Variants in SORCS2 observed in about 807,000 individuals in gnomAD.
SORCS2 encodes the protein VPS10 domain-containing receptor SorCS2.
In SORCS2, 100 loss-of-function variants were observed where a neutral mutation model predicts 141.6. The ratio of observed to expected loss-of-function variants is 0.71; its 90% CI spans 0.60 to 0.83. The LOEUF is 0.83. SORCS2 is among the 40% of genes least tolerant of loss of function. SORCS2 has a pLI of 0.00. For missense variants in SORCS2, 1,646 were observed against 1,560.2 expected (o/e 1.05, Z -0.93); for synonymous variants, 789 against 676.9 (o/e 1.17, Z -2.57).
intron 3 of SORCS2, among the ~76,000 whole-genome samples, chr4:7,619,615 T>G (rs1447891082): frequency 6.6e-6 from 1 of 152,176 alleles, no homozygotes; most frequent in Non-Finnish European, 1.5e-5. Context: ...GAAGCGGCCC[T>G]GCCTCCTTGG....
At chr4:7,431,606 C>A (rs1278239643) in intron 2 of SORCS2, 2 of 152,282 alleles carry the variant, frequency 1.3e-5, no homozygotes, top group African/African-American at 2.4e-5. Context: ...AGGCCAACAA[C>A]TTCGGGCCCC....
intron 21 of SORCS2, among the ~76,000 whole-genome samples, 163 bp from the exon 22 acceptor site, chr4:7,728,187 G>A (rs1434412411): frequency 2.6e-5 from 4 of 152,192 alleles, no homozygotes; most frequent in African/African-American, 9.7e-5. Context: ...CAGGACTGCT[G>A]TCGGCCTGCT....
intron 1 of SORCS2, among the ~76,000 whole-genome samples, chr4:7,282,493 C>A (rs1012955846): frequency 5.3e-5 from 8 of 152,130 alleles, no homozygotes. Flanking sequence ...TGTTTTGTGC[C>A]ATATGCTGTT....
chr4:7,470,937 G>T (rs1729938511), intron 2 of SORCS2, among the ~76,000 whole-genome samples: 1 of 117,592 alleles, frequency 8.5e-6, no homozygotes, highest in Admixed American at 9.5e-5. Context: ...GGAGGCAGAT[G>T]AGAGTGGGTG....
At chr4:7,389,063 A>G (rs939425364) in intron 1 of SORCS2, among the ~76,000 whole-genome samples, 1 of 152,130 alleles carries the variant, frequency 6.6e-6, no homozygotes, top group Non-Finnish European at 1.5e-5. Flanking sequence ...CTGCGGGTGG[A>G]TCATTCCTGC....
At chr4:7,386,283 T>C (rs1205683887) in intron 1 of SORCS2, among the ~76,000 whole-genome samples, 6 of 58,178 alleles carry the variant, frequency 1.0e-4, no homozygotes, top group Admixed American at 1.6e-4. Flanking sequence ...CACACGCACA[T>C]GCACACACAT....
intron 2 of SORCS2, among the ~76,000 whole-genome samples, chr4:7,510,410 G>A (rs1732549643): frequency 6.6e-6 from 1 of 152,234 alleles, no homozygotes; most frequent in East Asian, 1.9e-4. Context: ...CCGGCCGTCA[G>A]GGAAGGGCAC....
chr4:7,715,257 C>A lies in SORCS2; in HGVS notation c.2198C>A (p.Pro733Gln). 1 of 1,614,004 alleles carries A rather than the reference C, an allele frequency of 6.2e-7. No individual in the cohort carries two copies. The highest frequency in any genetic ancestry group is 8.5e-7 in the Non-Finnish European group (1 of 1,179,882). The change falls in exon 17 of 27, where the codon CCA (proline) becomes CAA (glutamine). Residue 733 changes from proline to glutamine, a missense_variant. Coordinates refer to ENST00000507866, the MANE Select transcript of SORCS2 (RefSeq NM_020777.3). ...TGCTCTGCCAACTTCTGGTTTAACCCATTGTCCCCGCCTGACGACTGTGCC... is the reference window on the plus strand; with the variant it reads ...TGCTCTGCCAACTTCTGGTTTAACCAATTGTCCCCGCCTGACGACTGTGCC... ...NKCSANFWFNPLSPPDDCALG... is the reference protein window; with the variant it reads ...NKCSANFWFNQLSPPDDCALG...
At chr4:7,600,115 C>G (rs1577818396) in intron 3 of SORCS2, among the ~76,000 whole-genome samples, 1 of 152,144 alleles carries the variant, frequency 6.6e-6, no homozygotes, top group Non-Finnish European at 1.5e-5. Context: ...AGCCACCACA[C>G]CCAGCCTGGT....
intron 2 of SORCS2, among the ~76,000 whole-genome samples, chr4:7,468,285 G>A (rs1213075939): frequency 1.3e-5 from 2 of 152,180 alleles, no homozygotes; most frequent in African/African-American, 4.8e-5. Context: ...GTCATGGGTC[G>A]CAACCTTGTT....
chr4:7,223,912 C>T (rs1728858829), intron 1 of SORCS2, among the ~76,000 whole-genome samples: 1 of 152,048 alleles, frequency 6.6e-6, no homozygotes, highest in Non-Finnish European at 1.5e-5. Flanking sequence ...TCCTCTGGGC[C>T]TCAGTTTTCT....
chr4:7,717,899 G>A, intron 17 of SORCS2, 113 bp from the exon 18 acceptor site: 1 of 1,152,684 alleles, frequency 8.7e-7, no homozygotes, highest in East Asian at 2.9e-5. Context: ...GAGTCCTAGG[G>A]GTGGGAAGCC....
At chr4:7,337,271 G>A (rs1401989089) in intron 1 of SORCS2, among the ~76,000 whole-genome samples, 1 of 152,192 alleles carries the variant, frequency 6.6e-6, no homozygotes, top group East Asian at 1.9e-4. Context: ...AGACCTGACG[G>A]GGAGGGATGT....
intron 1 of SORCS2, among the ~76,000 whole-genome samples, chr4:7,317,531 C>G (rs953420205): frequency 6.6e-6 from 1 of 152,218 alleles, no homozygotes; most frequent in Admixed American, 6.5e-5. Flanking sequence ...GTGGCCACTT[C>G]TTCCTCCTCT....
In SORCS2 at chr4:7,348,428, C is replaced by T. The variant is rs193093841; in HGVS notation, c.481-47860C>T. 3.0e-3 allele frequency among the ~76,000 whole-genome samples: 452 copies of T among 152,306 alleles called. 5 individuals are homozygous for T. The highest frequency in any genetic ancestry group is 0.01 in the African/African-American group (430 of 41,558). On this transcript the variant is annotated intron_variant, in intron 1 of 26. Coordinates refer to ENST00000507866, the MANE Select transcript of SORCS2 (RefSeq NM_020777.3). ...TGGCATGCATTTGTTCACCTGCTTC[C>T]CCACAATGGCCCCACTACTGTCATC...
At chr4:7,417,657 C>T (rs772914064) in intron 2 of SORCS2, among the ~76,000 whole-genome samples, 3 of 152,214 alleles carry the variant, frequency 2.0e-5, no homozygotes, top group South Asian at 2.1e-4. Context: ...CTTCCCGGAA[C>T]GTGGCCCTTG....
intron 1 of SORCS2, among the ~76,000 whole-genome samples, chr4:7,234,691 G>A (rs995548969): frequency 1.3e-5 from 2 of 152,216 alleles, no homozygotes; most frequent in Non-Finnish European, 2.9e-5. Flanking sequence ...AGCAGCTCAC[G>A]TAGGCTTCTG....
intron 1 of SORCS2, among the ~76,000 whole-genome samples, chr4:7,205,269 G>A (rs946749341): frequency 6.6e-6 from 1 of 152,248 alleles, no homozygotes; most frequent in East Asian, 1.9e-4. Context: ...ACCCCAAACT[G>A]GCACAGGGGC....
chr4:7,289,855 C>T lies in SORCS2; in HGVS notation c.480+96729C>T, dbSNP rs577341380. On this transcript the variant is annotated intron_variant, in intron 1 of 26. Coordinates refer to ENST00000507866, the MANE Select transcript of SORCS2 (RefSeq NM_020777.3). ...CCTTCCTCCCGAGACGCTGCAGGGC[C>T]TCCCCTTTGCTCATGCTTTCAAAGG... is the stretch of plus-strand genomic sequence containing the variant. Among the ~76,000 whole-genome samples, 300 of 152,298 alleles carry T rather than the reference C, an allele frequency of 2.0e-3. 2 individuals carry two copies. The highest frequency in any genetic ancestry group is 6.9e-3 in the African/African-American group (285 of 41,550).
Sources: allele counts gnomAD v4.1 joint callset (sites outside exome capture counted in the v4.1 genomes callset), GRCh38; gene constraint gnomAD v4.1.1; transcripts MANE v1.5; gene names NCBI Gene and HGNC (gene_info 2026-07-23, HGNC 2026-07-21).